Variants in GC observed in about 807,000 individuals in gnomAD.
GC encodes GC vitamin D binding protein.
In GC, 43 loss-of-function variants were observed where a neutral mutation model predicts 56.7. The ratio of observed to expected loss-of-function variants is 0.76; its 90% CI spans 0.59 to 0.98. The LOEUF is 0.98. GC is among the 50% of genes least tolerant of loss of function. The pLI, the probability that GC is intolerant of heterozygous loss-of-function variation, is 0.00. For missense variants in GC, 529 were observed against 545.9 expected (o/e 0.97, Z 0.31); for synonymous variants, 216 against 202.7 (o/e 1.07, Z -0.56).
At position 71,769,505 on chromosome 4, in the gene GC, G is replaced by A. The variant is rs937107790; in HGVS notation, c.59-105C>T. The A allele has an allele frequency of 2.1e-4, 160 of 751,588 alleles. No individual in the cohort carries two copies. In the African/African-American group the frequency reaches 2.1e-3, roughly 10 times the overall value. 46.6% of individuals were successfully genotyped at this position (751,588 alleles called of 1,614,324 possible). Reference sequence around the variant, plus strand: ...TTCCACGTGGCCTACAATGAAAGTCGTATTTTCTCAATGTCTATATGCAAT... The same window carrying A: ...TTCCACGTGGCCTACAATGAAAGTCATATTTTCTCAATGTCTATATGCAAT... On this transcript the variant is annotated intron_variant, in intron 1 of 12. Transcript: ENST00000273951.
At chr4:71,790,649 A>G (rs1194911037) in intron 1 of GC, among the ~76,000 whole-genome samples, 1 of 151,702 alleles carries the variant, frequency 6.6e-6, no homozygotes, top group Non-Finnish European at 1.5e-5. Context: ...TTTTTAAGCT[A>G]TTAATTTTGT....
intron 1 of GC, among the ~76,000 whole-genome samples, chr4:71,790,939 C>A (rs1315482861): frequency 7.2e-5 from 11 of 151,804 alleles, no homozygotes; most frequent in Non-Finnish European, 1.6e-4. Flanking sequence ...ACAACAGTCC[C>A]CAGAGTGTGA....
chr4:71,789,426 G>A lies in GC; in HGVS notation c.22-5372C>T, dbSNP rs552679281. Among the ~76,000 whole-genome samples, 68 of 151,982 alleles carry A rather than the reference G, an allele frequency of 4.5e-4. 1 individual carries two copies. Among genetic ancestry groups the A allele is most frequent in the African/African-American group, 1.6e-3 (67 of 41,482 alleles). On this transcript the variant is annotated intron_variant, in intron 1 of 13. Coordinates refer to the GC transcript ENST00000504199. ...CTCTAATGAACAGGACTCTAAAGAG[G>A]AAGGACTGGCAATCTGAATAAATAA...
intron 7 of GC, 107 bp from the exon 8 acceptor site, chr4:71,757,021 G>C (rs1392593554): frequency 1.4e-6 from 1 of 727,692 alleles, no homozygotes; most frequent in East Asian, 2.6e-5. Context: ...ATGAAAGTCA[G>C]TATGAAGACT....
Position 71,754,161 on chromosome 4 carries a change from T to C in GC, c.1262+250A>G, listed in dbSNP as rs567106256. 2.0e-5 allele frequency among the ~76,000 whole-genome samples: 3 copies of C among 152,308 alleles called. No individual in the cohort carries two copies. The South Asian group carries it at 6.2e-4, about 32-fold the overall frequency. ...GTTTTTAGTATAATCATCACCCAAA[T>C]AGTGTACATTGTATCCAATAGGGAA... On this transcript the variant is annotated intron_variant, in intron 10 of 12. Coordinates refer to ENST00000273951, the MANE Select transcript of GC (RefSeq NM_000583.4).
At chr4:71,763,245 G>C (rs1241556627) in intron 6 of GC, among the ~76,000 whole-genome samples, 163 bp downstream of exon 6, 1 of 151,990 alleles carries the variant, frequency 6.6e-6, no homozygotes, top group Non-Finnish European at 1.5e-5. Context: ...AATCTGTATA[G>C]AGAAAAGAAA....
At chr4:71,770,222 G>A (rs138872516) in intron 1 of GC, among the ~76,000 whole-genome samples, 141 of 152,240 alleles carry the variant, frequency 9.3e-4, no homozygotes, top group African/African-American at 2.9e-3. Flanking sequence ...CAGAGGACTG[G>A]GTGGGAAGTT....
intron 1 of GC, among the ~76,000 whole-genome samples, chr4:71,783,125 T>G (rs1323998254): frequency 2.6e-5 from 4 of 151,810 alleles, no homozygotes; most frequent in Non-Finnish European, 5.9e-5. Context: ...ATTACTATTA[T>G]GAATAATAAT....
chr4:71,763,453 A>T lies in GC; in HGVS notation c.656T>A (p.Val219Asp), dbSNP rs1256761879. The stretch of plus-strand genomic sequence containing the variant: ...CCCATAAGCAGCATATTGTGAGCAG[A>T]CTCTATTTGACAGAGTGGTGAGAAG... Reference protein sequence around the residue: ...LSLLTTLSNRVCSQYAAYGEK... With the variant: ...LSLLTTLSNRDCSQYAAYGEK... Residue 219 changes from valine (V) to aspartate (D), a missense_variant, in exon 6 of 13, where the codon GTC (valine) becomes GAC (aspartate). Coordinates refer to ENST00000273951, the MANE Select transcript of GC (RefSeq NM_000583.4). 1 of 1,607,714 alleles carries T rather than the reference A, an allele frequency of 6.2e-7. No homozygotes were observed. Among genetic ancestry groups the T allele is most frequent in the Non-Finnish European group, 8.5e-7 (1 of 1,174,752 alleles).
At chr4:71,757,550 G>A (rs897147785) in intron 7 of GC, among the ~76,000 whole-genome samples, 2 of 151,984 alleles carry the variant, frequency 1.3e-5, no homozygotes, top group African/African-American at 4.8e-5. Context: ...AACAGTAGTA[G>A]CGTCTACTAG....
chr4:71,771,153 G>A (rs1395654900), intron 1 of GC, among the ~76,000 whole-genome samples: 2 of 152,120 alleles, frequency 1.3e-5, no homozygotes, highest in Non-Finnish European at 2.9e-5. Flanking sequence ...TTAAGGGTTG[G>A]GAAAGTCATC....
intron 11 of GC, among the ~76,000 whole-genome samples, chr4:71,747,168 A>G (rs1355238381): frequency 6.6e-6 from 1 of 152,180 alleles, no homozygotes; most frequent in African/African-American, 2.4e-5. Context: ...ACATAAGAGC[A>G]GTTTATAGGA....
intron 3 of GC, 33 bp downstream of exon 3, chr4:71,768,268 C>A: frequency 6.5e-7 from 1 of 1,540,768 alleles, no homozygotes; most frequent in Non-Finnish European, 8.8e-7. Context: ...CTTCTCTGGG[C>A]TGCCACAGAG....
rs1742061441 is a variant in GC at position 71,763,734 on chromosome 4, T to G, written c.606+70A>C. ...TTACTGATTGCAAAATCTCAATTTC[T>G]ACCATTATCTAAAAGGAATGCTATT... On this transcript the variant is annotated intron_variant, in intron 5 of 12. Transcript: ENST00000273951. 37 of 1,338,242 alleles carry G rather than the reference T, an allele frequency of 2.8e-5. No homozygotes were observed. The South Asian group carries it at 4.9e-4, about 18-fold the overall frequency. 82.9% of individuals were successfully genotyped at this position (1,338,242 alleles called of 1,614,324 possible). A position where few individuals can be genotyped will look rare whatever the true frequency, so the allele number is the denominator to read the frequency against.
intron 1 of GC, among the ~76,000 whole-genome samples, chr4:71,803,699 G>A (rs1743301082): frequency 6.6e-6 from 1 of 152,086 alleles, no homozygotes; most frequent in Non-Finnish European, 1.5e-5. Flanking sequence ...CTGTCTTTTG[G>A]AAATATGAAT....
intron 7 of GC, among the ~76,000 whole-genome samples, chr4:71,757,305 C>T (rs1168740194): frequency 6.6e-6 from 1 of 151,980 alleles, no homozygotes; most frequent in Non-Finnish European, 1.5e-5. Flanking sequence ...GCAACAGAGT[C>T]CTATTTAGCC....
At position 71,777,166 on chromosome 4, in the gene GC, AT is replaced by A. The variant is rs556838591; in HGVS notation, c.58+6794del. 3.4e-3 allele frequency among the ~76,000 whole-genome samples: 521 copies of A among 151,156 alleles called. 4 individuals are homozygous for A. The highest frequency in any genetic ancestry group is 6.1e-3 in the Non-Finnish European group (412 of 67,666). Reference sequence around the variant, plus strand: ...CTGCTATAGTGATGTGTTAGCAAGAATTTTTTTTTCATGAATGGAATATAAT... The same window carrying A: ...CTGCTATAGTGATGTGTTAGCAAGAATTTTTTTTCATGAATGGAATATAAT... On this transcript the variant is annotated intron_variant, in intron 1 of 12. Coordinates refer to ENST00000273951, the MANE Select transcript of GC (RefSeq NM_000583.4).
Position 71,763,867 on chromosome 4 carries a change from A to G in GC, c.543T>C (p.Ser181=). 1.2e-6 allele frequency: 2 copies of G among 1,610,012 alleles called. No homozygotes were observed. The highest frequency in any genetic ancestry group is 1.7e-5 in the Admixed American group (1 of 60,000). ...PLSLLVSYTK[S]YLSMVGSCCT... ...AGCAGGACCCTACCATAGAAAGATA[A>G]CTCTTGGTGTAACTGACTAAAAGTG... The change falls in exon 5 of 13, where the codon AGT becomes AGC. Residue 181 remains serine, a synonymous_variant. Coordinates refer to ENST00000273951, the MANE Select transcript of GC (RefSeq NM_000583.4).
chr4:71,765,223 A>C (rs944296900), intron 4 of GC, among the ~76,000 whole-genome samples: 3 of 152,188 alleles, frequency 2.0e-5, no homozygotes, highest in Admixed American at 2.0e-4. Context: ...TAGGGTTAGT[A>C]AGAGTTTGGG....
Sources: allele counts gnomAD v4.1 joint callset (sites outside exome capture counted in the v4.1 genomes callset), GRCh38; gene constraint gnomAD v4.1.1; transcripts MANE v1.5; gene names NCBI Gene and HGNC (gene_info 2026-07-23, HGNC 2026-07-21).